Variants in ASAP1 observed in about 807,000 individuals in gnomAD.
ASAP1 encodes the protein ArfGAP with SH3 domain, ankyrin repeat and PH domain 1, also known as arf-GAP with SH3 domain, ANK repeat and PH domain-containing protein 1.
Under a neutral mutation model 145.2 loss-of-function variants are expected in ASAP1, and 43 were observed. The observed-to-expected ratio is 0.30, with a 90% CI of 0.23 to 0.38. The LOEUF is 0.38. Among genes scored for constraint, ASAP1 ranks in the 10% least tolerant of loss-of-function variants. The pLI is 1.00. For synonymous variants in ASAP1, 546 were observed against 515.5 expected, an observed-to-expected ratio of 1.06 and a Z score of -0.80; for missense variants, 1,018 against 1,355.3, an observed-to-expected ratio of 0.75 and a Z score of 3.91.
intron 3 of ASAP1, among the ~76,000 whole-genome samples, chr8:130,256,345 T>C (rs1586695294): frequency 6.6e-6 from 1 of 151,078 alleles, no homozygotes; most frequent in East Asian, 2.0e-4. Flanking sequence ...AGCTCATACA[T>C]TCAGACTTCT....
At chr8:130,240,473 A>G (rs746186656) in intron 3 of ASAP1, among the ~76,000 whole-genome samples, 7 of 152,170 alleles carry the variant, frequency 4.6e-5, no homozygotes, top group Non-Finnish European at 8.8e-5. Flanking sequence ...ATTCCCATAA[A>G]TGCCAAACAA....
chr8:130,063,841 C>G lies in ASAP1; in HGVS notation c.2702-2772G>C, dbSNP rs145780216. ...ACCCTTTCAGGCACTTGGGACACAG[C>G]TGATGGAAAGAACTAGGGCCCTGCC... On this transcript the variant is annotated intron_variant, in intron 27 of 29. Coordinates refer to ENST00000518721, the MANE Select transcript of ASAP1 (RefSeq NM_018482.4). 4.1e-4 allele frequency among the ~76,000 whole-genome samples: 62 copies of G among 152,264 alleles called. 2 individuals are homozygous for G. The highest frequency in any genetic ancestry group is 1.5e-3 in the African/African-American group (62 of 41,532).
intron 3 of ASAP1, among the ~76,000 whole-genome samples, chr8:130,261,107 T>G (rs918232624): frequency 5.9e-5 from 9 of 152,130 alleles, no homozygotes; most frequent in African/African-American, 2.2e-4. Context: ...CCAGTGAGAC[T>G]GTGAAAGATG....
intron 1 of ASAP1, among the ~76,000 whole-genome samples, chr8:130,425,900 T>C (rs1829898329): frequency 6.6e-6 from 1 of 152,002 alleles, no homozygotes; most frequent in Non-Finnish European, 1.5e-5. Flanking sequence ...TTTGGATGAG[T>C]TGAGGGAGGA....
chr8:130,312,519 C>T lies in ASAP1; in HGVS notation c.186+45498G>A, dbSNP rs1292625368. On this transcript the variant is annotated intron_variant, in intron 3 of 29. Transcript: ENST00000518721. ...TGCAACCCGTAGCAACTCCAGGGGGCCTTCTCTCCCTTTTGATAGTGAATG... is the reference window on the plus strand; with the variant it reads ...TGCAACCCGTAGCAACTCCAGGGGGTCTTCTCTCCCTTTTGATAGTGAATG... Among the ~76,000 whole-genome samples the T allele has an allele frequency of 2.0e-5, 3 of 152,094 alleles. No individual in the cohort carries two copies. In the East Asian group the frequency reaches 5.8e-4, roughly 29 times the overall value.
chr8:130,278,943 CA>C (rs1250921281), intron 3 of ASAP1, among the ~76,000 whole-genome samples: 1 of 152,152 alleles, frequency 6.6e-6, no homozygotes, highest in Non-Finnish European at 1.5e-5. Context: ...TTAGTTCATT[CA>C]AAACAATCCT....
chr8:130,235,344 C>T (rs986218452), intron 4 of ASAP1, among the ~76,000 whole-genome samples: 6 of 151,996 alleles, frequency 3.9e-5, no homozygotes, highest in Non-Finnish European at 5.9e-5. Context: ...CAGAAAAGTA[C>T]ATAAATCCTA....
At chr8:130,351,350 T>C (rs1430884866) in intron 3 of ASAP1, among the ~76,000 whole-genome samples, 2 of 152,228 alleles carry the variant, frequency 1.3e-5, no homozygotes, top group South Asian at 2.1e-4. Context: ...CCTTTATGTA[T>C]TCATATGTAA....
chr8:130,061,623 G>A (rs1001208428), intron 27 of ASAP1, among the ~76,000 whole-genome samples: 13 of 151,996 alleles, frequency 8.6e-5, no homozygotes, highest in African/African-American at 3.1e-4. Context: ...GTATATAAGC[G>A]AGGTAGCAAA....
chr8:130,427,087 G>C (rs549633118), intron 1 of ASAP1, among the ~76,000 whole-genome samples: 1 of 152,336 alleles, frequency 6.6e-6, no homozygotes, highest in African/African-American at 2.4e-5. Context: ...AGACGGCAGA[G>C]CAGGAGTGGG....
intron 3 of ASAP1, among the ~76,000 whole-genome samples, chr8:130,356,083 A>G (rs1826289522): frequency 7.3e-6 from 1 of 136,378 alleles, no homozygotes; most frequent in Non-Finnish European, 1.6e-5. Flanking sequence ...TTCTCATAAA[A>G]AAAAATATTT....
At chr8:130,197,653 G>C (rs1435532069) in intron 5 of ASAP1, among the ~76,000 whole-genome samples, 2 of 152,358 alleles carry the variant, frequency 1.3e-5, no homozygotes, top group South Asian at 2.1e-4. Context: ...TGTAGGGCAA[G>C]TGCCCTGATA....
intron 3 of ASAP1, among the ~76,000 whole-genome samples, chr8:130,284,842 TACACACACACACACACAC>T (rs34799517): frequency 1.4e-5 from 2 of 141,534 alleles, no homozygotes; most frequent in Admixed American, 7.1e-5. Flanking sequence ...TTTTACACTC[TACACACACACACACACAC>T]ACACACACAC....
At chr8:130,385,387 T>C (rs1293654425) in intron 2 of ASAP1, among the ~76,000 whole-genome samples, 2 of 152,210 alleles carry the variant, frequency 1.3e-5, no homozygotes, top group African/African-American at 2.4e-5. Context: ...AGTTGGTGAA[T>C]TAAGAGCCAA....
At chr8:130,159,028 G>T (rs1393218505) in intron 12 of ASAP1, among the ~76,000 whole-genome samples, 2 of 152,034 alleles carry the variant, frequency 1.3e-5, no homozygotes, top group African/African-American at 4.8e-5. Context: ...ACCGCGCCCG[G>T]CTGTGCTTTA....
chr8:130,439,825 G>A (rs1830433628), intron 1 of ASAP1, among the ~76,000 whole-genome samples: 1 of 152,230 alleles, frequency 6.6e-6, no homozygotes, highest in Non-Finnish European at 1.5e-5. Context: ...CAGCAGGCTG[G>A]TAATAATGTC....
chr8:130,053,291 G>C lies in ASAP1; in HGVS notation c.*1440C>G, dbSNP rs182782156. 1 of 152,334 alleles carries C rather than the reference G, an allele frequency of 6.6e-6. No homozygotes were observed. The highest frequency in any genetic ancestry group is 1.5e-5 in the Non-Finnish European group (1 of 68,032). 9.4% of individuals were successfully genotyped at this position (152,334 alleles called of 1,614,324 possible). A position where few individuals can be genotyped will look rare whatever the true frequency, so the allele number is the denominator to read the frequency against. ...CAAAATAGCAATTTAAGCAAATGTA[G>C]TGCCAGAATGACACATGAGCCTCGG... On this transcript the variant is annotated 3_prime_UTR_variant, in exon 30 of 30. Transcript: ENST00000518721.
chr8:130,064,893 A>ATGAGTGTGTGTG (rs2097427249), intron 27 of ASAP1, among the ~76,000 whole-genome samples: 1 of 142,564 alleles, frequency 7.0e-6, no homozygotes, highest in African/African-American at 2.6e-5. Context: ...TTTACTAAGA[A>ATGAGTGTGTGTG]TGTGTGTGTG....
At chr8:130,073,432 T>C (rs1264247408) in intron 27 of ASAP1, among the ~76,000 whole-genome samples, 1 of 148,460 alleles carries the variant, frequency 6.7e-6, no homozygotes, top group Non-Finnish European at 1.5e-5. Flanking sequence ...GCTTTCCAGA[T>C]GGGTGTAAAG....
Sources: allele counts gnomAD v4.1 joint callset (sites outside exome capture counted in the v4.1 genomes callset), GRCh38; gene constraint gnomAD v4.1.1; transcripts MANE v1.5; gene names NCBI Gene and HGNC (gene_info 2026-07-23, HGNC 2026-07-21).